MAP4: variants seen among roughly 807,000 people sequenced by gnomAD.
MAP4 encodes microtubule associated protein 4.
In MAP4, 76 loss-of-function variants were observed where a neutral mutation model predicts 170.2. That is an observed-to-expected ratio of 0.45 (90% CI 0.37 to 0.54). The LOEUF (loss-of-function observed/expected upper bound fraction) is 0.54, where lower values mean the gene tolerates loss of function less well. Among genes scored for constraint, MAP4 ranks in the 20% least tolerant of loss-of-function variants. MAP4 has a pLI of 0.00. For missense variants in MAP4, 2,506 were observed against 2,748.0 expected (o/e 0.91, Z 1.97); for synonymous variants, 909 against 994.5 (o/e 0.91, Z 1.62).
At chr3:47,981,909 G>C (rs1159614858) in intron 2 of MAP4, among the ~76,000 whole-genome samples, 1 of 152,224 alleles carries the variant, frequency 6.6e-6, no homozygotes, top group East Asian at 1.9e-4. Context: ...TGATTTAATT[G>C]AGAAAAATAA....
chr3:48,060,850 A>T (rs2100134803), intron 1 of MAP4, among the ~76,000 whole-genome samples: 1 of 152,082 alleles, frequency 6.6e-6, no homozygotes, highest in Non-Finnish European at 1.5e-5. Context: ...TATACAAATA[A>T]CTTTTTTTAT....
chr3:48,078,574 G>A (rs564247834), intron 1 of MAP4, among the ~76,000 whole-genome samples: 2 of 152,106 alleles, frequency 1.3e-5, no homozygotes, highest in Non-Finnish European at 1.5e-5. Flanking sequence ...AAAGAGTAGG[G>A]TAGAAAGGGG....
chr3:48,081,653 T>C (rs2100146752), intron 1 of MAP4, among the ~76,000 whole-genome samples: 1 of 152,118 alleles, frequency 6.6e-6, no homozygotes, highest in African/African-American at 2.4e-5. Context: ...GCATCAGAGA[T>C]ATCAGTATAA....
chr3:48,050,499 T>C (rs531353078), intron 1 of MAP4, among the ~76,000 whole-genome samples: 62 of 151,536 alleles, frequency 4.1e-4, no homozygotes, highest in Non-Finnish European at 7.7e-4. Flanking sequence ...GAAATACAAA[T>C]TAAACAATGA....
intron 17 of MAP4, among the ~76,000 whole-genome samples, chr3:47,861,934 G>C (rs35943823): frequency 6.6e-6 from 1 of 151,618 alleles, no homozygotes; most frequent in African/African-American, 2.4e-5. Context: ...GGCCGAGGTG[G>C]GTGGATCACA....
Position 47,910,695 on chromosome 3 carries a change from AGGT to A in MAP4, c.3723_3725del (p.Pro1242del), listed in dbSNP as rs2100035547. The A allele has an allele frequency of 7.8e-6, 12 of 1,535,988 alleles. No homozygotes were observed. Among genetic ancestry groups the A allele is most frequent in the Non-Finnish European group, 9.6e-6 (11 of 1,146,904 alleles). ...CAGTATCTCCATCCTTCCCTTCAAA[AGGT>A]GGGTTAAGGATTTCTTCCTTCCTCT... is the stretch of plus-strand genomic sequence containing the variant. On this transcript the variant is annotated inframe_deletion, in exon 9 of 21. Transcript: ENST00000683076.
chr3:48,038,779 A>C (rs951189491), intron 1 of MAP4, among the ~76,000 whole-genome samples: 7 of 151,644 alleles, frequency 4.6e-5, no homozygotes, highest in African/African-American at 1.7e-4. Flanking sequence ...CTTCTATTCC[A>C]TTATCTTCTA....
rs377266613 is a variant in MAP4, at chr3:47,916,456, G to A, written c.1371C>T (p.Asn457=). 2.4e-5 allele frequency: 39 copies of A among 1,614,010 alleles called. No homozygotes were observed. In the Middle Eastern group the frequency reaches 6.6e-4, roughly 27 times the overall value. The stretch of plus-strand genomic sequence containing the variant: ...GTGCTTTATCCTTGGTCAAGATCAC[G>A]TTGGTTTCCGGGGGCAGTGTCATGT... ...ARDMTLPPET[N]VILTKDKALP... The change falls in exon 7 of 21, where the codon AAC becomes AAT. Residue 457 remains asparagine (N), a synonymous_variant. Transcript: ENST00000683076.
intron 2 of MAP4, among the ~76,000 whole-genome samples, chr3:47,996,349 C>G (rs1251367683): frequency 6.6e-6 from 1 of 152,028 alleles, no homozygotes; most frequent in Admixed American, 6.6e-5. Context: ...AGACCCAAAC[C>G]GTGAGATTAA....
At chr3:47,860,781 A>G (rs768731202) in intron 17 of MAP4, among the ~76,000 whole-genome samples, 1 of 152,190 alleles carries the variant, frequency 6.6e-6, no homozygotes, top group Non-Finnish European at 1.5e-5. Flanking sequence ...ATGTCATGCT[A>G]GCATGTGGGG....
intron 3 of MAP4, among the ~76,000 whole-genome samples, chr3:47,936,415 G>C (rs1364332023): frequency 6.6e-6 from 1 of 150,978 alleles, no homozygotes; most frequent in East Asian, 2.0e-4. Flanking sequence ...CTGGGCAACA[G>C]AGCAAAACTC....
chr3:47,852,458 A>C lies in MAP4; in HGVS notation c.*476T>G. The C allele has an allele frequency of 3.4e-6, 1 of 290,966 alleles. No homozygotes were observed. The highest frequency in any genetic ancestry group is 6.4e-6 in the Non-Finnish European group (1 of 155,634). 18.0% of individuals were successfully genotyped at this position (290,966 alleles called of 1,614,324 possible). ...CGGTCAGCGTCCTGTCACCACTCGGAATCCACCTCCACTCTTCCCTCCAGG... is the reference window on the plus strand; with the variant it reads ...CGGTCAGCGTCCTGTCACCACTCGGCATCCACCTCCACTCTTCCCTCCAGG... On this transcript the variant is annotated 3_prime_UTR_variant, in exon 21 of 21. Coordinates refer to ENST00000683076, the MANE Select transcript of MAP4 (RefSeq NM_001385682.1).
intron 2 of MAP4, 65 bp downstream of exon 2, chr3:47,998,573 T>A: frequency 1.6e-6 from 2 of 1,274,478 alleles, no homozygotes; most frequent in South Asian, 1.3e-5. Flanking sequence ...TCCAAGATTA[T>A]ACCAAAGGCA....
At chr3:47,981,173 T>C (rs960480865) in intron 2 of MAP4, among the ~76,000 whole-genome samples, 4 of 152,168 alleles carry the variant, frequency 2.6e-5, no homozygotes, top group East Asian at 1.9e-4. Context: ...CAACAGATTA[T>C]AATATTGTAA....
intron 1 of MAP4, among the ~76,000 whole-genome samples, chr3:48,076,695 G>A (rs754237458): frequency 3.3e-5 from 5 of 151,704 alleles, no homozygotes; most frequent in Admixed American, 6.6e-5. Context: ...AAGAAAGAAC[G>A]AACGAACGAA....
intron 2 of MAP4, 129 bp from the exon 3 acceptor site, chr3:47,978,062 A>T: frequency 1.6e-6 from 1 of 622,728 alleles, no homozygotes; most frequent in Non-Finnish European, 2.9e-6. Context: ...AAAACTGTTC[A>T]AAATTTAAAC....
At chr3:47,997,809 T>G (rs144406214) in intron 2 of MAP4, among the ~76,000 whole-genome samples, 139 of 152,120 alleles carry the variant, frequency 9.1e-4, no homozygotes, top group African/African-American at 3.2e-3. Context: ...AAAGCATATC[T>G]CCATTAATCT....
rs757081678 is a variant in MAP4, at chr3:47,855,212, T to C, written c.6696+36A>G. ...ACCCTAACTGCATAGTTCCCACCCC[T>C]CCCCAGCTGTGTCTCCCCAGTGACC... is the stretch of plus-strand genomic sequence containing the variant. On this transcript the variant is annotated intron_variant, in intron 19 of 20. Coordinates refer to ENST00000683076, the MANE Select transcript of MAP4 (RefSeq NM_001385682.1). The surrounding 1 kb of genome is among the most constrained non-coding windows in gnomAD (Gnocchi z 5.1). The C allele has an allele frequency of 1.4e-6, 2 of 1,424,588 alleles. No homozygotes were observed. Among genetic ancestry groups the C allele is most frequent in the South Asian group, 2.3e-5 (2 of 87,328 alleles). 88.2% of individuals were successfully genotyped at this position (1,424,588 alleles called of 1,614,324 possible).
intron 2 of MAP4, among the ~76,000 whole-genome samples, chr3:47,984,325 CA>C (rs1255474260): frequency 6.6e-6 from 1 of 151,964 alleles, no homozygotes; most frequent in Non-Finnish European, 1.5e-5. Context: ...CTAAAATGTG[CA>C]AAAGGGAATT....
Sources: allele counts gnomAD v4.1 joint callset (sites outside exome capture counted in the v4.1 genomes callset), GRCh38; gene constraint gnomAD v4.1.1; non-coding constraint Gnocchi (gnomAD v3.1); transcripts MANE v1.5; gene names NCBI Gene and HGNC (gene_info 2026-07-23, HGNC 2026-07-21).